SHLD2: variants seen among roughly 807,000 people sequenced by gnomAD.
SHLD2 encodes RINN1-REV7-interacting novel NHEJ regulator 2.
Under a neutral mutation model 73.2 loss-of-function variants are expected in SHLD2, and 30 were observed. The observed-to-expected ratio is 0.41, with a 90% confidence interval of 0.31 to 0.56. The LOEUF is 0.56. Ranked by LOEUF, SHLD2 falls within the 20% of genes least tolerant of loss-of-function variation. The probability of loss-of-function intolerance (pLI) is 0.28; values close to 1 mark genes in which losing one functional copy is unlikely to be tolerated. For missense variants in SHLD2, 745 were observed against 1,055.9 expected (o/e 0.71, Z 4.08); for synonymous variants, 285 against 370.1 (o/e 0.77, Z 2.64).
chr10:87,101,435 T>C (rs1269190329), intron 2 of SHLD2, among the ~76,000 whole-genome samples: 1 of 152,224 alleles, frequency 6.6e-6, no homozygotes, highest in Non-Finnish European at 1.5e-5. Context: ...TAGAAATATT[T>C]ATTTATTAAG....
intron 9 of SHLD2, among the ~76,000 whole-genome samples, chr10:87,188,913 TC>T (rs1275904401): frequency 6.6e-6 from 1 of 152,136 alleles, no homozygotes; most frequent in Non-Finnish European, 1.5e-5. Context: ...TCCGTTTTTT[TC>T]CCCCATTTTC....
intron 4 of SHLD2, among the ~76,000 whole-genome samples, chr10:87,160,819 G>C (rs1330790784): frequency 6.6e-6 from 1 of 151,748 alleles, no homozygotes; most frequent in Non-Finnish European, 1.5e-5. Context: ...GCAAAACCCT[G>C]TCTGTACTAA....
chr10:87,163,117 C>T (rs1846936817), intron 4 of SHLD2, among the ~76,000 whole-genome samples: 1 of 151,900 alleles, frequency 6.6e-6, no homozygotes, highest in African/African-American at 2.4e-5. Context: ...ACACTATGTA[C>T]TATGCAGCTG....
intron 2 of SHLD2, among the ~76,000 whole-genome samples, chr10:87,121,511 T>C (rs1257653151): frequency 6.6e-6 from 1 of 152,054 alleles, no homozygotes; most frequent in African/African-American, 2.4e-5. Context: ...AAGTGAGTAA[T>C]AGTATGTGTA....
At chr10:87,135,635 A>G (rs1482280915) in intron 2 of SHLD2, among the ~76,000 whole-genome samples, 1 of 150,564 alleles carries the variant, frequency 6.6e-6, no homozygotes, top group Non-Finnish European at 1.5e-5. Context: ...CTGGGACTAC[A>G]GATGCATGCC....
intron 4 of SHLD2, among the ~76,000 whole-genome samples, chr10:87,162,050 C>T (rs1846856471): frequency 6.6e-6 from 1 of 151,738 alleles, no homozygotes; most frequent in East Asian, 1.9e-4. Flanking sequence ...GCTGAGACAA[C>T]TGGGTAGCCA....
intron 4 of SHLD2, among the ~76,000 whole-genome samples, chr10:87,168,552 T>C (rs1309429982): frequency 1.3e-5 from 2 of 150,020 alleles, no homozygotes; most frequent in African/African-American, 4.9e-5. Context: ...TGAGCTGAGA[T>C]TGTGCCACTG....
intron 7 of SHLD2, among the ~76,000 whole-genome samples, chr10:87,178,806 G>A (rs1175917060): frequency 1.3e-5 from 2 of 152,150 alleles, no homozygotes; most frequent in Non-Finnish European, 2.9e-5. Context: ...TTACATATTC[G>A]ATCGCTACAC....
chr10:87,186,702 T>C (rs1330439879), intron 8 of SHLD2, among the ~76,000 whole-genome samples: 3 of 152,218 alleles, frequency 2.0e-5, no homozygotes, highest in Non-Finnish European at 4.4e-5. Context: ...TTTATTGATA[T>C]GCAAAACAGT....
chr10:87,122,938 C>T (rs1435829128), intron 2 of SHLD2, among the ~76,000 whole-genome samples: 4 of 152,048 alleles, frequency 2.6e-5, no homozygotes, highest in Non-Finnish European at 4.4e-5. Context: ...CCACCACGCT[C>T]GGCTAATTTT....
intron 6 of SHLD2, among the ~76,000 whole-genome samples, chr10:87,172,986 A>T (rs1001423610): frequency 6.6e-6 from 1 of 150,676 alleles, no homozygotes; most frequent in African/African-American, 2.4e-5. Context: ...AACTTCTATT[A>T]TAAAAGCCTT....
At chr10:87,134,697 C>T (rs1844675505) in intron 2 of SHLD2, among the ~76,000 whole-genome samples, 1 of 152,206 alleles carries the variant, frequency 6.6e-6, no homozygotes, top group Non-Finnish European at 1.5e-5. Context: ...AGAGGCACTC[C>T]AGGCTTTCAG....
chr10:87,160,264 A>G (rs1269858694), intron 4 of SHLD2, among the ~76,000 whole-genome samples: 1 of 151,946 alleles, frequency 6.6e-6, no homozygotes. Context: ...AGGCAGGAGG[A>G]TTACTTGGGC....
At chr10:87,138,514 T>G (rs920194881) in intron 2 of SHLD2, among the ~76,000 whole-genome samples, 2 of 152,118 alleles carry the variant, frequency 1.3e-5, no homozygotes, top group African/African-American at 4.8e-5. Flanking sequence ...TCAAAAAACA[T>G]TAAAACATAC....
rs1848212163 is a variant in SHLD2, at chr10:87,180,155, A to G, written c.2251A>G (p.Ser751Gly). ...ASQKIALNAH[S>G]SLKSIFSSLP... ...TCAGAAGATAGCGCTAAATGCTCAC[A>G]GTTCTCTGAAGAGTATTTTTTCTTC... Residue 751 changes from serine to glycine, a missense_variant, in exon 8 of 10, where the codon AGT (serine) becomes GGT (glycine). Transcript: ENST00000298786. 6.2e-7 allele frequency: 1 copy of G among 1,613,876 alleles called. No individual in the cohort carries two copies. Among genetic ancestry groups the G allele is most frequent in the African/African-American group, 1.3e-5 (1 of 75,034 alleles).
At chr10:87,145,570 A>C (rs1845545418) in intron 2 of SHLD2, among the ~76,000 whole-genome samples, 2 of 151,768 alleles carry the variant, frequency 1.3e-5, no homozygotes, top group Non-Finnish European at 2.9e-5. Context: ...AGGCATTACT[A>C]CAGGGAGTTT....
chr10:87,179,746 A>G (rs2134687311), intron 7 of SHLD2, among the ~76,000 whole-genome samples: 1 of 152,334 alleles, frequency 6.6e-6, no homozygotes, highest in East Asian at 1.9e-4. Context: ...AGACAGGGCA[A>G]GGAGAGAGGA....
intron 2 of SHLD2, among the ~76,000 whole-genome samples, chr10:87,112,012 C>T (rs1589445547): frequency 2.0e-5 from 3 of 151,014 alleles, no homozygotes; most frequent in South Asian, 4.2e-4. Context: ...CCAAGGTGGG[C>T]GGATCACGAG....
intron 8 of SHLD2, among the ~76,000 whole-genome samples, chr10:87,183,383 G>A (rs867800897): frequency 1.9e-4 from 29 of 152,242 alleles, no homozygotes; most frequent in Middle Eastern, 3.4e-3. Flanking sequence ...GGCTTATAAG[G>A]TTATTTGTGG....
Sources: gnomAD v4.1 joint callset for allele counts (sites outside exome capture counted in the v4.1 genomes callset) on GRCh38, gnomAD v4.1.1 for gene constraint, MANE v1.5 for transcripts, NCBI Gene and HGNC (gene_info 2026-07-23, HGNC 2026-07-21) for gene names.